Variants in ZNF181 observed in about 807,000 individuals in gnomAD.
The protein encoded by ZNF181 is zinc finger protein 181.
Under a neutral mutation model 11.9 loss-of-function variants are expected in ZNF181, and 8 were observed. The observed-to-expected ratio is 0.67, with a 90% CI of 0.39 to 1.21. The LOEUF is 1.21. ZNF181 is among the 50% of genes most tolerant of loss of function. The pLI is 0.01. For missense variants in ZNF181, 542 were observed against 670.9 expected (o/e 0.81, Z 2.12); for synonymous variants, 202 against 221.1 (o/e 0.91, Z 0.77).
chr19:34,739,637 C>A lies in ZNF181; in HGVS notation c.229+16C>A. On this transcript the variant is annotated intron_variant, in intron 3 of 3. Coordinates refer to ENST00000492450, the MANE Select transcript of ZNF181 (RefSeq NM_001029997.4). ...ATGATTCCAGGTGAGTCATGGTGAACGAGACAAAGGAAGATTTTGTTAAAA... is the reference window on the plus strand; with the variant it reads ...ATGATTCCAGGTGAGTCATGGTGAAAGAGACAAAGGAAGATTTTGTTAAAA... 7 of 1,613,186 alleles carry A rather than the reference C, an allele frequency of 4.3e-6. No individual in the cohort carries two copies. The highest frequency in any genetic ancestry group is 5.9e-6 in the Non-Finnish European group (7 of 1,179,428).
chr19:34,740,059 A>G (rs989436261), intron 3 of ZNF181, among the ~76,000 whole-genome samples: 27 of 152,222 alleles, frequency 1.8e-4, no homozygotes, highest in African/African-American at 6.5e-4. Context: ...TGTTTCTAGG[A>G]ATATTTTCTA....
rs1265037666 is a variant in ZNF181 at position 34,734,801 on chromosome 19, C to G, written c.-237C>G. On this transcript the variant is annotated 5_prime_UTR_variant, in exon 1 of 4. Transcript: ENST00000492450. ...TAATTGATTTTCCTCGCAGGTGGCA[C>G]CTGGTAAATGGTTAGCCCTTGCGGA... 14 of 504,784 alleles carry G rather than the reference C, an allele frequency of 2.8e-5. No homozygotes were observed. The highest frequency in any genetic ancestry group is 4.2e-5 in the Non-Finnish European group (12 of 285,504). 31.3% of individuals were successfully genotyped at this position (504,784 alleles called of 1,614,324 possible). A position where few individuals can be genotyped will look rare whatever the true frequency, so the allele number is the denominator to read the frequency against.
intron 1 of ZNF181, among the ~76,000 whole-genome samples, chr19:34,736,942 T>A (rs2068898116): frequency 6.6e-6 from 1 of 152,166 alleles, no homozygotes; most frequent in Admixed American, 6.5e-5. Context: ...CATAAAGCTA[T>A]GAGAAATGTT....
intron 1 of ZNF181, among the ~76,000 whole-genome samples, chr19:34,737,995 C>T (rs1432992813): frequency 3.3e-5 from 5 of 152,158 alleles, no homozygotes; most frequent in African/African-American, 7.2e-5. Context: ...TACCCCTAAC[C>T]ATCAGGGGAT....
At chr19:34,738,524 A>C (rs747930893) in intron 1 of ZNF181, among the ~76,000 whole-genome samples, 13 of 151,998 alleles carry the variant, frequency 8.6e-5, no homozygotes, top group Non-Finnish European at 1.8e-4. Context: ...ATTAGTCTTT[A>C]ATATAAAGGT....
rs1272883281 is a variant in ZNF181 at position 34,744,568 on chromosome 19, G to A, written c.*2471G>A. The stretch of plus-strand genomic sequence containing the variant: ...AGCTATTCAGGAGGCTGAGTGGGGA[G>A]GGATTGCTTGAGTACAGGAGTTTTA... On this transcript the variant is annotated 3_prime_UTR_variant, in exon 4 of 4. Coordinates refer to ENST00000492450, the MANE Select transcript of ZNF181 (RefSeq NM_001029997.4). The A allele has an allele frequency of 6.6e-6, 1 of 152,092 alleles. No homozygotes were observed. The highest frequency in any genetic ancestry group is 1.9e-4 in the East Asian group (1 of 5,190). 9.4% of individuals were successfully genotyped at this position (152,092 alleles called of 1,614,324 possible).
At position 34,734,725 on chromosome 19, in the gene ZNF181, A is replaced by G. The variant is rs1328304102; in HGVS notation, c.-313A>G. ...CACCGTGCATAGTGGTGAAGACTGA[A>G]CGAGCTGATAAAGTTTTTACCATTG... is the stretch of plus-strand genomic sequence containing the variant. On this transcript the variant is annotated 5_prime_UTR_variant, in exon 1 of 4. Transcript: ENST00000492450. 2.2e-6 allele frequency: 1 copy of G among 445,454 alleles called. No homozygotes were observed. Among genetic ancestry groups the G allele is most frequent in the African/African-American group, 2.0e-5 (1 of 51,004 alleles). The allele number at this position is 445,454 out of a possible 1,614,324, so 27.6% of individuals were successfully genotyped here.
At chr19:34,735,075 G>C (rs1264396802) in intron 1 of ZNF181, 29 bp downstream of exon 1, 2 of 1,565,518 alleles carry the variant, frequency 1.3e-6, no homozygotes, top group Non-Finnish European at 8.7e-7. Flanking sequence ...AAATCTTCCT[G>C]AAACACTTTA....
In ZNF181 at chr19:34,741,413, T is replaced by G. The variant is rs2607243; in HGVS notation, c.1032T>G (p.Thr344=). 13 of 1,613,620 alleles carry G rather than the reference T, an allele frequency of 8.1e-6. No individual in the cohort carries two copies. The highest frequency in any genetic ancestry group is 2.2e-5 in the East Asian group (1 of 44,894). The change falls in exon 4 of 4, where the codon ACT becomes ACG. Residue 344 remains threonine (T), a synonymous_variant. Coordinates refer to ENST00000492450, the MANE Select transcript of ZNF181 (RefSeq NM_001029997.4). ...TTATTGAACATCTAAGAATTCATAC[T>G]CAAGAAAAACTCTATGAGTGTCGTA... ...SHLIEHLRIH[T]QEKLYECRIC...
rs1284359963 is a variant in ZNF181 at position 34,734,914 on chromosome 19, C to T, written c.-124C>T. On this transcript the variant is annotated 5_prime_UTR_variant, in exon 1 of 4. Transcript: ENST00000492450. Reference sequence around the variant, plus strand: ...TTCCATTATGGTGTGTCACAGGTGCCGCAAGATAAGCCTGATTTTTCATGA... The same window carrying T: ...TTCCATTATGGTGTGTCACAGGTGCTGCAAGATAAGCCTGATTTTTCATGA... 1.0e-6 allele frequency: 1 copy of T among 995,752 alleles called. No individual in the cohort carries two copies. The highest frequency in any genetic ancestry group is 2.5e-5 in the Admixed American group (1 of 40,814). 61.7% of individuals were successfully genotyped at this position (995,752 alleles called of 1,614,324 possible). A position where few individuals can be genotyped will look rare whatever the true frequency, so the allele number is the denominator to read the frequency against.
chr19:34,740,873 T>C lies in ZNF181; in HGVS notation c.492T>C (p.Phe164=), dbSNP rs2068959639. 1 of 1,614,076 alleles carries C rather than the reference T, an allele frequency of 6.2e-7. No homozygotes were observed. The highest frequency in any genetic ancestry group is 2.2e-5 in the East Asian group (1 of 44,880). Residue 164 remains phenylalanine (F), a synonymous_variant, in exon 4 of 4, where the codon TTT becomes TTC. Transcript: ENST00000492450. ...AATACAATATATTTAGAAGCACCTT[T>C]CATTCAAAGTCTACTCTTTCTGAAC... ...VYKYNIFRST[F]HSKSTLSEPQ...
rs1248057011 is a variant in ZNF181 at position 34,744,643 on chromosome 19, GAAC to G, written c.*2548_*2550del. Reference sequence around the variant, plus strand: ...CCACTGCTTTCCAGCCTGGACAGCAGAACACCACCCTGTCTCCAAAGTAAATAA... The same window carrying G: ...CCACTGCTTTCCAGCCTGGACAGCAGACCACCCTGTCTCCAAAGTAAATAA... On this transcript the variant is annotated 3_prime_UTR_variant, in exon 4 of 4. Coordinates refer to ENST00000492450, the MANE Select transcript of ZNF181 (RefSeq NM_001029997.4). 2 of 152,152 alleles carry G rather than the reference GAAC, an allele frequency of 1.3e-5. No homozygotes were observed. The highest frequency in any genetic ancestry group is 2.9e-5 in the Non-Finnish European group (2 of 68,048). 9.4% of individuals were successfully genotyped at this position (152,152 alleles called of 1,614,324 possible).
Position 34,739,526 on chromosome 19 carries a change from G to C in ZNF181, c.134G>C (p.Gly45Ala). The C allele has an allele frequency of 6.2e-7, 1 of 1,613,988 alleles. No individual in the cohort carries two copies. The highest frequency in any genetic ancestry group is 1.1e-5 in the South Asian group (1 of 91,070). Residue 45 changes from glycine to alanine, a missense_variant, in exon 3 of 4, where the codon GGT (glycine) becomes GCT (alanine). Coordinates refer to ENST00000492450, the MANE Select transcript of ZNF181 (RefSeq NM_001029997.4). ...AATTCTGTATTCTTCCTGTAAGCAG[G>C]TCTTTCTGTAACTAAGCCATATGTG... ...QNYENLVSVA[G>A]LSVTKPYVIT...
chr19:34,743,444 G>C lies in ZNF181; in HGVS notation c.*1347G>C, dbSNP rs1328829814. On this transcript the variant is annotated 3_prime_UTR_variant, in exon 4 of 4. Transcript: ENST00000492450. ...GCAGGCTTAGCGAGATGTGATTTTT[G>C]AAATGAATCCTAAATGATGAACACT... The C allele has an allele frequency of 6.6e-6, 1 of 152,202 alleles. No homozygotes were observed. Among genetic ancestry groups the C allele is most frequent in the Non-Finnish European group, 1.5e-5 (1 of 68,040 alleles). 9.4% of individuals were successfully genotyped at this position (152,202 alleles called of 1,614,324 possible). A position where few individuals can be genotyped will look rare whatever the true frequency, so the allele number is the denominator to read the frequency against.
At position 34,740,955 on chromosome 19, in the gene ZNF181, T is replaced by G; in HGVS notation, c.574T>G (p.Leu192Val). ...SHKYDILKKN[L>V]PKKSVIKNEK... ...CAAATATGATATATTAAAGAAGAAC[T>G]TACCAAAAAAGTCAGTTATAAAAAA... Residue 192 changes from leucine (L) to valine (V), a missense_variant, in exon 4 of 4, where the codon TTA becomes GTA. Transcript: ENST00000492450. The G allele has an allele frequency of 1.9e-6, 3 of 1,613,728 alleles. No individual in the cohort carries two copies. The highest frequency in any genetic ancestry group is 1.7e-6 in the Non-Finnish European group (2 of 1,179,890).
rs2069014671 is a variant in ZNF181 at position 34,744,181 on chromosome 19, C to T, written c.*2084C>T. ...AAATGTATCTCCTCTGATATATGTG[C>T]TACCTTAACAGAAAGCCAAAGCACA... is the stretch of plus-strand genomic sequence containing the variant. On this transcript the variant is annotated 3_prime_UTR_variant, in exon 4 of 4. Coordinates refer to ENST00000492450, the MANE Select transcript of ZNF181 (RefSeq NM_001029997.4). 6.6e-6 allele frequency: 1 copy of T among 152,178 alleles called. No individual in the cohort carries two copies. The highest frequency in any genetic ancestry group is 6.5e-5 in the Admixed American group (1 of 15,276). The allele number at this position is 152,178 out of a possible 1,614,324, so 9.4% of individuals were successfully genotyped here.
intron 1 of ZNF181, among the ~76,000 whole-genome samples, chr19:34,735,725 G>C (rs1413281750): frequency 2.0e-5 from 3 of 152,142 alleles, no homozygotes; most frequent in Admixed American, 6.5e-5. Flanking sequence ...TTACCTTTCT[G>C]ATCCCACCTT....
At position 34,741,433 on chromosome 19, in the gene ZNF181, G is replaced by A. The variant is rs754552359; in HGVS notation, c.1052G>A (p.Cys351Tyr). The stretch of plus-strand genomic sequence containing the variant: ...CATACTCAAGAAAAACTCTATGAGT[G>A]TCGTATATGTGGAAAGGCCTTCATT... ...RIHTQEKLYE[C>Y]RICGKAFIHR... Residue 351 changes from cysteine to tyrosine, a missense_variant, in exon 4 of 4, where the codon TGT (cysteine) becomes TAT (tyrosine). Physicochemically the swap from Cys to Tyr is radical, Grantham distance 194. Coordinates refer to ENST00000492450, the MANE Select transcript of ZNF181 (RefSeq NM_001029997.4). 10 of 1,613,792 alleles carry A rather than the reference G, an allele frequency of 6.2e-6. No homozygotes were observed. Among genetic ancestry groups the A allele is most frequent in the Non-Finnish European group, 8.5e-7 (1 of 1,179,930 alleles).
At position 34,743,649 on chromosome 19, in the gene ZNF181, T is replaced by A. The variant is rs1283800474; in HGVS notation, c.*1552T>A. 2 of 152,244 alleles carry A rather than the reference T, an allele frequency of 1.3e-5. No individual in the cohort carries two copies. The highest frequency in any genetic ancestry group is 4.8e-5 in the African/African-American group (2 of 41,464). 9.4% of individuals were successfully genotyped at this position (152,244 alleles called of 1,614,324 possible). A position where few individuals can be genotyped will look rare whatever the true frequency, so the allele number is the denominator to read the frequency against. On this transcript the variant is annotated 3_prime_UTR_variant, in exon 4 of 4. Transcript: ENST00000492450. ...TTCAGATTCTGTGGCTTTGAGGTAGTGCTGCTGGCAGCATCATTGCAGCAA... is the reference window on the plus strand; with the variant it reads ...TTCAGATTCTGTGGCTTTGAGGTAGAGCTGCTGGCAGCATCATTGCAGCAA...
Sources: allele counts gnomAD v4.1 joint callset (sites outside exome capture counted in the v4.1 genomes callset), GRCh38; gene constraint gnomAD v4.1.1; transcripts MANE v1.5; gene names NCBI Gene and HGNC (gene_info 2026-07-23, HGNC 2026-07-21).